The following DLG2 variants were observed in gnomAD, a reference collection of about 807,000 sequenced individuals.
DLG2 encodes disks large homolog 2.
A neutral mutation model predicts 132.5 loss-of-function variants in DLG2; 45 were observed. The ratio of observed to expected loss-of-function variants is 0.34; its 90% CI spans 0.27 to 0.44. The LOEUF is 0.44. DLG2 is among the 20% of genes least tolerant of loss of function. DLG2 has a pLI of 1.00. For missense variants in DLG2, 1,045 were observed against 1,196.9 expected (o/e 0.87, Z 1.87); for synonymous variants, 424 against 419.6 (o/e 1.01, Z -0.13).
At chr11:84,099,310 T>C (rs1267461993) in intron 9 of DLG2, among the ~76,000 whole-genome samples, 2 of 152,054 alleles carry the variant, frequency 1.3e-5, no homozygotes, top group Non-Finnish European at 2.9e-5. Context: ...ATCACATTTA[T>C]GAAGCAGGAA....
intron 4 of DLG2, among the ~76,000 whole-genome samples, chr11:85,255,648 A>G (rs925146141): frequency 2.6e-5 from 4 of 152,238 alleles, no homozygotes; most frequent in Non-Finnish European, 5.9e-5. Flanking sequence ...GTAATATCAA[A>G]TACTTGGAAT....
chr11:83,519,448 G>T (rs1454441500), intron 21 of DLG2, among the ~76,000 whole-genome samples: 3 of 152,058 alleles, frequency 2.0e-5, no homozygotes, highest in Non-Finnish European at 2.9e-5. Context: ...TAAGGTATTT[G>T]CCCCTAATTT....
At chr11:84,710,436 G>C (rs1256285766) in intron 6 of DLG2, among the ~76,000 whole-genome samples, 3 of 151,950 alleles carry the variant, frequency 2.0e-5, no homozygotes, top group African/African-American at 7.2e-5. Context: ...GGATACTTGA[G>C]ACATGGCTCC....
chr11:84,859,623 A>G, intron 6 of DLG2, among the ~76,000 whole-genome samples: 1 of 151,780 alleles, frequency 6.6e-6, no homozygotes. Flanking sequence ...AACAAGTAGT[A>G]AACATAGCAG....
intron 15 of DLG2, among the ~76,000 whole-genome samples, chr11:83,877,789 T>C (rs1351832218): frequency 6.6e-6 from 1 of 152,210 alleles, no homozygotes; most frequent in Non-Finnish European, 1.5e-5. Flanking sequence ...ATTTTTGTTA[T>C]TCCCAAATAT....
chr11:84,696,665 G>A (rs1041227459), intron 6 of DLG2, among the ~76,000 whole-genome samples: 1 of 151,380 alleles, frequency 6.6e-6, no homozygotes, highest in Non-Finnish European at 1.5e-5. Context: ...GCAAACAGAA[G>A]GCACTTTGTT....
chr11:84,463,252 G>T (rs1270990567), intron 7 of DLG2, among the ~76,000 whole-genome samples: 1 of 151,150 alleles, frequency 6.6e-6, no homozygotes, highest in Non-Finnish European at 1.5e-5. Flanking sequence ...GTTTACTACA[G>T]TATTCCTCAT....
At chr11:84,110,017 T>C (rs2093247095) in intron 9 of DLG2, among the ~76,000 whole-genome samples, 1 of 152,188 alleles carries the variant, frequency 6.6e-6, no homozygotes, top group African/African-American at 2.4e-5. Flanking sequence ...TTAGAACATC[T>C]TTAGTTCTCC....
chr11:84,626,858 T>C (rs1474863203), intron 6 of DLG2, among the ~76,000 whole-genome samples: 1 of 143,476 alleles, frequency 7.0e-6, no homozygotes, highest in Non-Finnish European at 1.5e-5. Context: ...TATTTTATTT[T>C]ATTTTATTTT....
At chr11:84,835,417 G>C (rs1389555727) in intron 6 of DLG2, among the ~76,000 whole-genome samples, 1 of 151,596 alleles carries the variant, frequency 6.6e-6, no homozygotes. Flanking sequence ...CTACAAAATG[G>C]AGTTAATAAT....
chr11:84,259,257 T>C (rs1373921188), intron 7 of DLG2, among the ~76,000 whole-genome samples: 1 of 145,628 alleles, frequency 6.9e-6, no homozygotes, highest in Non-Finnish European at 1.5e-5. Flanking sequence ...GGGGAGACTG[T>C]GTCTCGAAAA....
intron 7 of DLG2, among the ~76,000 whole-genome samples, chr11:84,377,962 T>A (rs1161861044): frequency 1.3e-5 from 2 of 151,902 alleles, no homozygotes; most frequent in African/African-American, 2.4e-5. Context: ...AGTTGAAGAG[T>A]CAGAATAAAG....
At chr11:85,189,054 T>C (rs1250929522) in intron 4 of DLG2, among the ~76,000 whole-genome samples, 1 of 151,860 alleles carries the variant, frequency 6.6e-6, no homozygotes, top group Non-Finnish European at 1.5e-5. Context: ...AGAAAAACTG[T>C]TGAAAGAAAA....
intron 7 of DLG2, among the ~76,000 whole-genome samples, chr11:84,450,082 A>T (rs1391427070): frequency 6.6e-6 from 1 of 151,908 alleles, no homozygotes; most frequent in Non-Finnish European, 1.5e-5. Context: ...TTCCTTTCAC[A>T]AATTTAGGAA....
At chr11:83,522,597 C>G (rs1235847077) in intron 21 of DLG2, among the ~76,000 whole-genome samples, 2 of 152,012 alleles carry the variant, frequency 1.3e-5, no homozygotes, top group Admixed American at 1.3e-4. Flanking sequence ...GTTCTTTCTT[C>G]TCACATTATT....
intron 6 of DLG2, among the ~76,000 whole-genome samples, chr11:84,615,748 G>T (rs1593856198): frequency 7.2e-6 from 1 of 139,084 alleles, no homozygotes; most frequent in African/African-American, 2.7e-5. Context: ...ATGATATTTT[G>T]TCTCCAAATT....
At chr11:84,026,477 A>C (rs1312456455) in intron 11 of DLG2, among the ~76,000 whole-genome samples, 1 of 152,128 alleles carries the variant, frequency 6.6e-6, no homozygotes, top group Non-Finnish European at 1.5e-5. Context: ...CAACCTTTAC[A>C]GAGAATGGAG....
At chr11:83,759,443 C>A (rs2093801890) in intron 18 of DLG2, among the ~76,000 whole-genome samples, 1 of 152,204 alleles carries the variant, frequency 6.6e-6, no homozygotes, top group Non-Finnish European at 1.5e-5. Flanking sequence ...ATCTGCTTGA[C>A]CCCCTTGGGC....
chr11:84,844,538 T>C (rs1194850241), intron 6 of DLG2, among the ~76,000 whole-genome samples: 1 of 151,970 alleles, frequency 6.6e-6, no homozygotes, highest in African/African-American at 2.4e-5. Context: ...AATGGCTTCC[T>C]TGTTTATCCC....
Sources: gnomAD v4.1 joint callset for allele counts (sites outside exome capture counted in the v4.1 genomes callset) on GRCh38, gnomAD v4.1.1 for gene constraint, MANE v1.5 for transcripts, NCBI Gene and HGNC (gene_info 2026-07-23, HGNC 2026-07-21) for gene names.